Variants in NFKB1 observed in about 807,000 individuals in gnomAD.
NFKB1 encodes nuclear factor NF-kappa-B p105 subunit.
In NFKB1, 9 loss-of-function variants were observed where a neutral mutation model predicts 105.1. That is an observed-to-expected ratio of 0.09 (90% CI 0.05 to 0.15). The LOEUF (loss-of-function observed/expected upper bound fraction) is 0.15, where lower values mean the gene tolerates loss of function less well. Among genes scored for constraint, NFKB1 ranks in the 10% least tolerant of loss-of-function variants. NFKB1 has a pLI of 1.00. For missense variants in NFKB1, 830 were observed against 1,203.7 expected (o/e 0.69, Z 4.59); for synonymous variants, 440 against 442.2 (o/e 1.00, Z 0.06).
At chr4:102,541,831 T>C (rs1276891833) in intron 5 of NFKB1, among the ~76,000 whole-genome samples, 1 of 152,180 alleles carries the variant, frequency 6.6e-6, no homozygotes, top group East Asian at 1.9e-4. Context: ...GTGCTTTTCC[T>C]CAGCTACAGC....
intron 14 of NFKB1, 133 bp downstream of exon 14, chr4:102,596,465 C>A: frequency 1.6e-6 from 1 of 639,588 alleles, no homozygotes; most frequent in Non-Finnish European, 2.3e-6. Flanking sequence ...TTCTGTATGC[C>A]TTTGGAAAAG....
intron 12 of NFKB1, among the ~76,000 whole-genome samples, chr4:102,594,278 T>C (rs1468263100): frequency 2.0e-5 from 3 of 152,208 alleles, no homozygotes; most frequent in Non-Finnish European, 4.4e-5. Context: ...CTTACTTACA[T>C]GTAGTTTCCT....
chr4:102,571,047 CA>C (rs1724301650), intron 6 of NFKB1, among the ~76,000 whole-genome samples: 1 of 152,156 alleles, frequency 6.6e-6, no homozygotes, highest in Admixed American at 6.5e-5. Flanking sequence ...GCCAAAAGAA[CA>C]AAGCTGGAGG....
intron 1 of NFKB1, among the ~76,000 whole-genome samples, chr4:102,506,876 T>G (rs1462463641): frequency 1.3e-5 from 2 of 151,682 alleles, no homozygotes; most frequent in Non-Finnish European, 2.9e-5. Context: ...GTTAGTTACA[T>G]ATATATGTAA....
chr4:102,523,295 A>G (rs1033967108), intron 1 of NFKB1, among the ~76,000 whole-genome samples: 17 of 152,302 alleles, frequency 1.1e-4, no homozygotes, highest in African/African-American at 3.8e-4. Context: ...TCTTCAATCA[A>G]TACTTTCTTG....
chr4:102,606,597 T>C lies in NFKB1; in HGVS notation c.1854T>C (p.Ser618=). 1.9e-6 allele frequency: 3 copies of C among 1,614,192 alleles called. No individual in the cohort carries two copies. The highest frequency in any genetic ancestry group is 1.7e-6 in the Non-Finnish European group (2 of 1,180,036). The change falls in exon 17 of 24, where the codon TCT becomes TCC. Residue 618 remains serine (S), a synonymous_variant. Transcript: ENST00000226574. ...DLSLLDRLGN[S]VLHLAAKEGH... is the part of the protein sequence containing the mutation. Reference sequence around the variant, plus strand: ...GCCTTCTGGACCGCTTGGGTAACTCTGTTTTGCACCTAGCTGCCAAAGAAG... The same window carrying C: ...GCCTTCTGGACCGCTTGGGTAACTCCGTTTTGCACCTAGCTGCCAAAGAAG...
chr4:102,538,047 G>A (rs1035393970), intron 5 of NFKB1, 91 bp downstream of exon 5: 1 of 791,012 alleles, frequency 1.3e-6, no homozygotes, highest in South Asian at 1.5e-5. Context: ...AGTACGGGTT[G>A]CCTTCGCTCC....
chr4:102,598,161 A>G lies in NFKB1; in HGVS notation c.1637+500A>G, dbSNP rs181141453. 6.0e-4 allele frequency among the ~76,000 whole-genome samples: 92 copies of G among 152,340 alleles called. 1 individual carries two copies. The highest frequency in any genetic ancestry group is 3.3e-4 in the Admixed American group (5 of 15,304). Reference sequence around the variant, plus strand: ...TCCCTCTTCTGATGGTCATCAGTCTATGACTGTTTCAGACTTTTGTGACTG... The same window carrying G: ...TCCCTCTTCTGATGGTCATCAGTCTGTGACTGTTTCAGACTTTTGTGACTG... On this transcript the variant is annotated intron_variant, in intron 15 of 23. Transcript: ENST00000226574.
chr4:102,578,165 T>C (rs1310001560), intron 7 of NFKB1: 1 of 173,328 alleles, frequency 5.8e-6, no homozygotes, highest in African/African-American at 2.4e-5. Flanking sequence ...CACTCTCTTA[T>C]ATGAATGTGT....
At chr4:102,583,031 G>C in intron 10 of NFKB1, 74 bp downstream of exon 10, 2 of 1,006,308 alleles carry the variant, frequency 2.0e-6, no homozygotes, top group Non-Finnish European at 3.0e-6. Context: ...CCAGGCTGCA[G>C]TGCAGTGGTA....
chr4:102,584,874 G>T, intron 11 of NFKB1, 54 bp downstream of exon 11: 1 of 1,509,870 alleles, frequency 6.6e-7, no homozygotes. Flanking sequence ...TTTATTTTTG[G>T]TTTTTGTTTT....
intron 11 of NFKB1, 73 bp from the exon 12 acceptor site, chr4:102,593,352 A>G: frequency 7.6e-7 from 1 of 1,308,764 alleles, no homozygotes; most frequent in African/African-American, 1.5e-5. Flanking sequence ...CATTAGAATC[A>G]GTGGTCTTTC....
chr4:102,535,208 G>T (rs562405472), intron 4 of NFKB1, among the ~76,000 whole-genome samples: 1 of 152,082 alleles, frequency 6.6e-6, no homozygotes, highest in Non-Finnish European at 1.5e-5. Flanking sequence ...AAATTTCCCA[G>T]CTTTTAAGAT....
intron 5 of NFKB1, among the ~76,000 whole-genome samples, chr4:102,541,471 A>G (rs891749166): frequency 4.6e-5 from 7 of 152,226 alleles, no homozygotes; most frequent in Non-Finnish European, 8.8e-5. Flanking sequence ...AGAAAGATAG[A>G]AAAGATAAAA....
At chr4:102,548,890 T>C (rs1578748814) in intron 5 of NFKB1, among the ~76,000 whole-genome samples, 1 of 152,270 alleles carries the variant, frequency 6.6e-6, no homozygotes, top group Non-Finnish European at 1.5e-5. Context: ...CTATGTGACC[T>C]CATCTTAACT....
intron 1 of NFKB1, among the ~76,000 whole-genome samples, chr4:102,519,207 A>G (rs984602724): frequency 1.9e-4 from 29 of 150,424 alleles, no homozygotes; most frequent in Admixed American, 8.6e-4. Context: ...ATTTCAATAT[A>G]CTGTAGTTTT....
At chr4:102,562,259 C>T (rs575435193) in intron 5 of NFKB1, among the ~76,000 whole-genome samples, 2 of 152,164 alleles carry the variant, frequency 1.3e-5, no homozygotes, top group Non-Finnish European at 2.9e-5. Flanking sequence ...TCAGTACTCC[C>T]TCAGGAAGCT....
intron 5 of NFKB1, among the ~76,000 whole-genome samples, chr4:102,547,040 G>A (rs1352361832): frequency 6.6e-6 from 1 of 152,098 alleles, no homozygotes; most frequent in Non-Finnish European, 1.5e-5. Flanking sequence ...AAAGAATCAT[G>A]AGCTCCTGAT....
chr4:102,587,615 A>G (rs140790372), intron 11 of NFKB1, among the ~76,000 whole-genome samples: 8 of 152,156 alleles, frequency 5.3e-5, no homozygotes, highest in Non-Finnish European at 7.3e-5. Context: ...TGAAAGTTCA[A>G]AATTGCACCT....
Sources: allele counts gnomAD v4.1 joint callset (sites outside exome capture counted in the v4.1 genomes callset), GRCh38; gene constraint gnomAD v4.1.1; transcripts MANE v1.5; gene names NCBI Gene and HGNC (gene_info 2026-07-23, HGNC 2026-07-21).